Variants in SPATA16 observed in about 807,000 individuals in gnomAD.
The protein encoded by SPATA16 is spermatogenesis associated 16.
SPATA16 carries 36 observed loss-of-function variants against 63.3 expected under a neutral mutation model. The observed-to-expected ratio is 0.57, with a 90% CI of 0.44 to 0.75. The LOEUF (loss-of-function observed/expected upper bound fraction) is 0.75. Ranked by LOEUF, SPATA16 falls within the 30% of genes least tolerant of loss-of-function variation. The pLI, the probability that SPATA16 is intolerant of heterozygous loss-of-function variation, is 0.00. For missense variants in SPATA16, 646 were observed against 679.3 expected, an observed-to-expected ratio of 0.95 and a Z score of 0.54; for synonymous variants, 203 against 216.7, an observed-to-expected ratio of 0.94 and a Z score of 0.56.
chr3:173,121,308 A>G (rs1738064763), intron 1 of SPATA16, among the ~76,000 whole-genome samples: 1 of 151,960 alleles, frequency 6.6e-6, no homozygotes, highest in African/African-American at 2.4e-5. Context: ...AATAATCTGG[A>G]ATTTGAGGCC....
chr3:172,900,383 G>T (rs1222943366), intron 10 of SPATA16, among the ~76,000 whole-genome samples: 1 of 151,982 alleles, frequency 6.6e-6, no homozygotes, highest in Non-Finnish European at 1.5e-5. Flanking sequence ...ATGTATCCCG[G>T]TATAAATTTC....
At chr3:173,140,510 A>G (rs1371283512) in intron 1 of SPATA16, among the ~76,000 whole-genome samples, 1 of 152,214 alleles carries the variant, frequency 6.6e-6, no homozygotes. Flanking sequence ...ATTTTACGCC[A>G]GGCATGATGT....
chr3:172,952,416 T>A (rs1220044842), intron 6 of SPATA16, among the ~76,000 whole-genome samples: 1 of 152,162 alleles, frequency 6.6e-6, no homozygotes, highest in African/African-American at 2.4e-5. Context: ...ACCATCTACA[T>A]GGACATTCAG....
At chr3:173,076,651 A>G (rs1736811164) in intron 2 of SPATA16, among the ~76,000 whole-genome samples, 1 of 152,096 alleles carries the variant, frequency 6.6e-6, no homozygotes, top group Non-Finnish European at 1.5e-5. Context: ...TGAAAAAGAT[A>G]TTATATTATA....
intron 10 of SPATA16, among the ~76,000 whole-genome samples, chr3:172,890,998 G>A (rs959071640): frequency 1.5e-4 from 21 of 138,480 alleles, no homozygotes; most frequent in African/African-American, 2.5e-4. Context: ...ATATATACAC[G>A]CACACACATA....
At chr3:173,025,921 T>C (rs1357290375) in intron 3 of SPATA16, among the ~76,000 whole-genome samples, 1 of 152,028 alleles carries the variant, frequency 6.6e-6, no homozygotes, top group Non-Finnish European at 1.5e-5. Context: ...CTTTCATTTC[T>C]TATGGTAAAA....
intron 3 of SPATA16, among the ~76,000 whole-genome samples, chr3:173,038,728 A>G (rs1201929207): frequency 6.6e-6 from 1 of 152,146 alleles, no homozygotes; most frequent in Non-Finnish European, 1.5e-5. Context: ...GCTCAGGAAA[A>G]GAAGTTTGTG....
At chr3:172,999,567 C>G (rs1734770305) in intron 4 of SPATA16, among the ~76,000 whole-genome samples, 1 of 152,104 alleles carries the variant, frequency 6.6e-6, no homozygotes, top group East Asian at 1.9e-4. Flanking sequence ...ACGTACACCA[C>G]CATGCCTGGC....
intron 2 of SPATA16, among the ~76,000 whole-genome samples, chr3:173,067,353 A>G (rs1414280797): frequency 1.3e-5 from 2 of 152,218 alleles, no homozygotes; most frequent in Admixed American, 1.3e-4. Context: ...CAGAAAACAA[A>G]TACCACATAT....
intron 4 of SPATA16, among the ~76,000 whole-genome samples, chr3:173,009,237 G>C (rs1433145470): frequency 6.6e-6 from 1 of 152,214 alleles, no homozygotes; most frequent in African/African-American, 2.4e-5. Flanking sequence ...GCATCCTCCA[G>C]GAGGCCAAGT....
intron 3 of SPATA16, among the ~76,000 whole-genome samples, chr3:173,029,526 T>C (rs1735552057): frequency 6.6e-6 from 1 of 151,854 alleles, no homozygotes; most frequent in Non-Finnish European, 1.5e-5. Context: ...TGCACTAGGT[T>C]GTACCACATG....
chr3:173,086,905 A>C (rs531476747), intron 2 of SPATA16, among the ~76,000 whole-genome samples: 6 of 152,046 alleles, frequency 3.9e-5, no homozygotes, highest in African/African-American at 1.4e-4. Context: ...GAGACTTATG[A>C]TTTCAGCTCT....
intron 4 of SPATA16, among the ~76,000 whole-genome samples, chr3:173,005,051 G>A (rs13327727): frequency 0.079 from 11,975 of 152,128 alleles, 979 homozygotes; most frequent in African/African-American, 0.21. Context: ...GGCCGGGTGC[G>A]GTGGCTCACG....
chr3:173,128,985 G>A (rs1218188914), intron 1 of SPATA16, among the ~76,000 whole-genome samples: 1 of 152,230 alleles, frequency 6.6e-6, no homozygotes, highest in African/African-American at 2.4e-5. Flanking sequence ...GACAGAGGCT[G>A]CATTAGCTGT....
intron 6 of SPATA16, among the ~76,000 whole-genome samples, chr3:172,930,317 T>C (rs13098962): frequency 0.51 from 77,749 of 152,098 alleles, 23,056 homozygotes; most frequent in South Asian, 0.67. Flanking sequence ...AATCTAGCCA[T>C]GATTCTTACA....
At chr3:172,896,407 G>A (rs1388490685) in intron 10 of SPATA16, among the ~76,000 whole-genome samples, 1 of 152,096 alleles carries the variant, frequency 6.6e-6, no homozygotes, top group Non-Finnish European at 1.5e-5. Context: ...TTTTTTAGTA[G>A]AGATAGAGTT....
At chr3:173,076,396 AT>A (rs5854501) in intron 2 of SPATA16, among the ~76,000 whole-genome samples, 32,819 of 148,894 alleles carry the variant, frequency 0.22, 3,798 homozygotes, top group South Asian at 0.3. Context: ...TTAGTATAAA[AT>A]TTTTTTTTTT....
chr3:172,976,504 G>T (rs949203473), intron 5 of SPATA16, among the ~76,000 whole-genome samples: 1 of 152,026 alleles, frequency 6.6e-6, no homozygotes, highest in Non-Finnish European at 1.5e-5. Flanking sequence ...TAATAAATGA[G>T]AAACAAGATC....
At chr3:172,943,416 T>C (rs901744438) in intron 6 of SPATA16, among the ~76,000 whole-genome samples, 1 of 152,182 alleles carries the variant, frequency 6.6e-6, no homozygotes, top group African/African-American at 2.4e-5. Flanking sequence ...AGTAGTAGAA[T>C]GAACAAACCA....
Sources: gnomAD v4.1 joint callset for allele counts (sites outside exome capture counted in the v4.1 genomes callset) on GRCh38, gnomAD v4.1.1 for gene constraint, MANE v1.5 for transcripts, NCBI Gene and HGNC (gene_info 2026-07-23, HGNC 2026-07-21) for gene names.